Variants in MROH1 observed in about 807,000 individuals in gnomAD.
MROH1 encodes the protein maestro heat-like repeat-containing protein family member 1.
Under a neutral mutation model 116.5 loss-of-function variants are expected in MROH1, and 117 were observed. The ratio of observed to expected loss-of-function variants is 1.00; its 90% CI spans 0.86 to 1.17. MROH1 has a LOEUF of 1.17. MROH1 is among the 50% of genes most tolerant of loss of function. MROH1 has a pLI of 0.00. For missense variants in MROH1, 1,873 were observed against 1,338.5 expected (o/e 1.40, Z -6.23); for synonymous variants, 921 against 583.9 (o/e 1.58, Z -8.32).
At chr8:144,175,120 A>C (rs1461043212) in intron 4 of MROH1, 1 of 985,360 alleles carries the variant, frequency 1.0e-6, no homozygotes, top group Non-Finnish European at 1.2e-6. Context: ...AGGAGATGGC[A>C]GCTGTGGGTC....
chr8:144,225,861 A>G (rs1422062984), intron 14 of MROH1, among the ~76,000 whole-genome samples: 3 of 144,264 alleles, frequency 2.1e-5, no homozygotes, highest in Non-Finnish European at 4.5e-5. Context: ...CACGTGGCCT[A>G]AAAGTTTTAA....
Position 144,238,800 on chromosome 8 carries a change from C to A in MROH1, c.1383C>A (p.Ser461Arg). Residue 461 changes from serine to arginine, a missense_variant, in exon 15 of 44, where the codon AGC (serine) becomes AGA (arginine). By Grantham distance (110) the Ser-to-Arg change is moderately radical (BLOSUM62 -1). Coordinates refer to ENST00000326134, the MANE Select transcript of MROH1 (RefSeq NM_032450.3). ...GCAGCAAGGACCCCAAGGCCGACAG[C>A]GTGCGGGCCATCAGCGTGCGCACCC... is the stretch of plus-strand genomic sequence containing the variant. ...GPGSKDPKADSVRAISVRTLY... is the reference protein window; with the variant it reads ...GPGSKDPKADRVRAISVRTLY... 1.3e-6 allele frequency: 1 copy of A among 774,792 alleles called. No homozygotes were observed. The highest frequency in any genetic ancestry group is 2.4e-6 in the Non-Finnish European group (1 of 417,724). 48.0% of individuals were successfully genotyped at this position (774,792 alleles called of 1,614,324 possible).
At chr8:144,228,109 C>CTG (rs1838152886) in intron 14 of MROH1, among the ~76,000 whole-genome samples, 1 of 151,938 alleles carries the variant, frequency 6.6e-6, no homozygotes, top group Non-Finnish European at 1.5e-5. Context: ...GTGGCATATG[C>CTG]CGGTGGTCCC....
Position 144,243,615 on chromosome 8 carries a change from T to C in MROH1, c.2474T>C (p.Met825Thr). 1.3e-6 allele frequency: 1 copy of C among 779,254 alleles called. No individual in the cohort carries two copies. The highest frequency in any genetic ancestry group is 1.7e-5 in the Admixed American group (1 of 59,018). 48.3% of individuals were successfully genotyped at this position (779,254 alleles called of 1,614,324 possible). A position where few individuals can be genotyped will look rare whatever the true frequency, so the allele number is the denominator to read the frequency against. Residue 825 changes from methionine (M) to threonine (T), a missense_variant and splice_region_variant, in exon 25 of 44, where the codon ATG becomes ACG. Met to Thr is a moderately conservative substitution (Grantham distance 81). Transcript: ENST00000326134. ...AAAGCAGAGCTGGTGGCACAGATGA[T>C]GGTGAGCGTGGCCGTGGCCTGGCAG... ...TRKAELVAQM[M>T]EFIRAEPPDS... is the part of the protein sequence containing the mutation.
intron 28 of MROH1, among the ~76,000 whole-genome samples, chr8:144,244,866 A>T (rs1243834546): frequency 2.0e-5 from 3 of 152,108 alleles, no homozygotes; most frequent in Admixed American, 6.5e-5. Flanking sequence ...CCATGCTCGG[A>T]GTGTGTTCTT....
At chr8:144,241,721 G>A (rs1023143137) in intron 22 of MROH1, among the ~76,000 whole-genome samples, 2 of 152,352 alleles carry the variant, frequency 1.3e-5, no homozygotes, top group East Asian at 1.9e-4. Context: ...GGAGGCAAAC[G>A]TAGCTGTGGC....
At chr8:144,197,581 G>A (rs77501143) in intron 10 of MROH1, among the ~76,000 whole-genome samples, 36 of 149,726 alleles carry the variant, frequency 2.4e-4, no homozygotes, top group Non-Finnish European at 3.7e-4. Context: ...GACTACAGGC[G>A]CCTGCAACCA....
chr8:144,179,791 G>T (rs2131317589), intron 5 of MROH1, among the ~76,000 whole-genome samples: 1 of 152,320 alleles, frequency 6.6e-6, no homozygotes, highest in Middle Eastern at 3.4e-3. Flanking sequence ...CTGAAGCAGA[G>T]AGCAAGTTGC....
chr8:144,255,587 G>A lies in MROH1; in HGVS notation c.3673G>A (p.Val1225Met), dbSNP rs2133271307. ...AVLELYPQLF[V>M]VLLLRVSCTV... ...GCTCGAGCTCTACCCCCAGCTGTTT[G>A]TGGTGCTTCTGCTGCGCGTCAGCTG... The change falls in exon 35 of 44, where the codon GTG (valine) becomes ATG (methionine). Residue 1225 changes from valine (V) to methionine (M), a missense_variant. Physicochemically the swap from Val to Met is conservative, Grantham distance 21. Transcript: ENST00000326134. 1.3e-6 allele frequency: 1 copy of A among 779,316 alleles called. No homozygotes were observed. Among genetic ancestry groups the A allele is most frequent in the Admixed American group, 1.7e-5 (1 of 59,028 alleles). The allele number at this position is 779,316 out of a possible 1,614,324, so 48.3% of individuals were successfully genotyped here. A position where few individuals can be genotyped will look rare whatever the true frequency, so the allele number is the denominator to read the frequency against.
intron 1 of MROH1, among the ~76,000 whole-genome samples, chr8:144,159,543 A>C (rs1818975184): frequency 6.6e-6 from 1 of 152,180 alleles, no homozygotes; most frequent in African/African-American, 2.4e-5. Context: ...CTTTCTTGTA[A>C]CTAATGCCAG....
intron 7 of MROH1, among the ~76,000 whole-genome samples, chr8:144,188,667 C>A (rs1388598398): frequency 6.6e-6 from 1 of 151,992 alleles, no homozygotes; most frequent in African/African-American, 2.4e-5. Flanking sequence ...GGGGTGTCAA[C>A]ATGTTGCCCA....
Position 144,152,103 on chromosome 8 carries a change from C to G in MROH1, c.-177+4027C>G, listed in dbSNP as rs947033314. On this transcript the variant is annotated intron_variant, in intron 1 of 43. Transcript: ENST00000326134. Reference sequence around the variant, plus strand: ...AGGGATATGTCTCATACCTATATACCTATGATAAAGTTTAACTATAAATGA... The same window carrying G: ...AGGGATATGTCTCATACCTATATACGTATGATAAAGTTTAACTATAAATGA... Among the ~76,000 whole-genome samples, 61 of 152,256 alleles carry G rather than the reference C, an allele frequency of 4.0e-4. 3 individuals are homozygous for G. In the South Asian group the frequency reaches 0.012, roughly 30 times the overall value.
At chr8:144,198,061 A>G (rs561400486) in intron 10 of MROH1, among the ~76,000 whole-genome samples, 57 of 147,000 alleles carry the variant, frequency 3.9e-4, no homozygotes, top group East Asian at 2.5e-3. Context: ...AAAAAAAAAA[A>G]AAAGAAAGAA....
At chr8:144,249,725 C>T (rs1387030150) in intron 32 of MROH1, among the ~76,000 whole-genome samples, 1 of 152,152 alleles carries the variant, frequency 6.6e-6, no homozygotes, top group Non-Finnish European at 1.5e-5. Flanking sequence ...CCCATCCTTC[C>T]GTCTCAGGCC....
At chr8:144,165,467 G>T (rs1440617324) in intron 3 of MROH1, among the ~76,000 whole-genome samples, 1 of 152,064 alleles carries the variant, frequency 6.6e-6, no homozygotes, top group African/African-American at 2.4e-5. Flanking sequence ...ATGAGGTCTC[G>T]CTATGTTGCT....
chr8:144,178,991 G>T (rs902373018), intron 4 of MROH1, among the ~76,000 whole-genome samples: 8 of 152,052 alleles, frequency 5.3e-5, no homozygotes, highest in African/African-American at 1.4e-4. Context: ...GGCAGAAGGT[G>T]GTGTGGTGGG....
At chr8:144,237,951 T>C (rs1403717932) in intron 14 of MROH1, among the ~76,000 whole-genome samples, 2 of 152,248 alleles carry the variant, frequency 1.3e-5, no homozygotes, top group African/African-American at 4.8e-5. Flanking sequence ...GATTCTTTTA[T>C]GATCTTTAAA....
In MROH1 at chr8:144,182,847, C is replaced by T. The variant is rs773813936; in HGVS notation, c.562+2324C>T. Among the ~76,000 whole-genome samples the T allele has an allele frequency of 3.9e-5, 6 of 152,214 alleles. No individual in the cohort carries two copies. Among genetic ancestry groups the T allele is most frequent in the South Asian group, 2.1e-4 (1 of 4,820 alleles). On this transcript the variant is annotated intron_variant, in intron 7 of 43. Coordinates refer to ENST00000326134, the MANE Select transcript of MROH1 (RefSeq NM_032450.3). This position sits in a 1 kb window ranked among gnomAD's most constrained non-coding sequence, Gnocchi z 4.1. ...ATCCCAGCACTTTGGAAAGCCGAAG[C>T]GGGCTGATCACTTGAGGTCAGGAGT...
intron 12 of MROH1, among the ~76,000 whole-genome samples, chr8:144,210,673 A>G (rs1421083162): frequency 7.3e-6 from 1 of 136,846 alleles, no homozygotes; most frequent in Admixed American, 8.2e-5. Context: ...TGGGTGACAG[A>G]TGGAGACTCT....
Sources: gnomAD v4.1 joint callset for allele counts (sites outside exome capture counted in the v4.1 genomes callset) on GRCh38, gnomAD v4.1.1 for gene constraint, Gnocchi (gnomAD v3.1) non-coding constraint, MANE v1.5 for transcripts, NCBI Gene and HGNC (gene_info 2026-07-23, HGNC 2026-07-21) for gene names.